Variants in KANK4 observed in about 807,000 individuals in gnomAD.
The protein encoded by KANK4 is KN motif and ankyrin repeat domain-containing protein 4.
KANK4 carries 50 observed loss-of-function variants against 80.8 expected under a neutral mutation model. The observed-to-expected ratio is 0.62, with a 90% CI of 0.49 to 0.78. The LOEUF is 0.78. Ranked by LOEUF, KANK4 falls within the 30% of genes least tolerant of loss-of-function variation. The pLI is 0.00. For synonymous variants in KANK4, 465 were observed against 506.9 expected, an observed-to-expected ratio of 0.92 and a Z score of 1.11; for missense variants, 1,196 against 1,240.1, an observed-to-expected ratio of 0.96 and a Z score of 0.53.
rs775052553 is a variant in KANK4 at position 62,263,243 on chromosome 1, G to A, written c.2388C>T (p.Ala796=). The change falls in exon 7 of 10, where the codon GCC becomes GCT. Residue 796 remains alanine (A), a synonymous_variant. Transcript: ENST00000371153. ...RVSSRKSSSP[A]VVASYLHEVQ... Reference sequence around the variant, plus strand: ...CCTCGTGGAGGTAGGAGGCCACCACGGCGGGGCTAGACGACTTCCGGCTGG... The same window carrying A: ...CCTCGTGGAGGTAGGAGGCCACCACAGCGGGGCTAGACGACTTCCGGCTGG... The A allele has an allele frequency of 9.3e-6, 15 of 1,613,606 alleles. 1 individual carries two copies. Among genetic ancestry groups the A allele is most frequent in the East Asian group, 8.9e-5 (4 of 44,842 alleles).
chr1:62,282,000 A>C (rs922610631), intron 1 of KANK4, among the ~76,000 whole-genome samples: 1 of 152,188 alleles, frequency 6.6e-6, no homozygotes, highest in African/African-American at 2.4e-5. Flanking sequence ...GGCTCTTGCC[A>C]TAATCTCAAG....
chr1:62,296,401 T>G (rs1644363923), intron 1 of KANK4, among the ~76,000 whole-genome samples: 1 of 152,164 alleles, frequency 6.6e-6, no homozygotes, highest in African/African-American at 2.4e-5. Context: ...ATTGGCTCCA[T>G]TTGTCCATGG....
rs1308801649 is a variant in KANK4 at position 62,263,269 on chromosome 1, A to G, written c.2362T>C (p.Ser788Pro). ...NTISQEWFRVSSRKSSSPAVV... is the reference protein window; with the variant it reads ...NTISQEWFRVPSRKSSSPAVV... ...GCGGGGCTAGACGACTTCCGGCTGG[A>G]GACGCGGAACCACTCTTGACTGATG... is the stretch of plus-strand genomic sequence containing the variant. Residue 788 changes from serine (S) to proline (P), a missense_variant, in exon 7 of 10, where the codon TCC becomes CCC. By Grantham distance (74) the Ser-to-Pro change is moderately conservative. Coordinates refer to ENST00000371153, the MANE Select transcript of KANK4 (RefSeq NM_181712.5). The G allele has an allele frequency of 6.2e-7, 1 of 1,613,402 alleles. No individual in the cohort carries two copies. Among genetic ancestry groups the G allele is most frequent in the Non-Finnish European group, 8.5e-7 (1 of 1,179,810 alleles).
intron 1 of KANK4, among the ~76,000 whole-genome samples, chr1:62,312,607 CT>C (rs1644506272): frequency 6.6e-6 from 1 of 152,222 alleles, no homozygotes; most frequent in South Asian, 2.1e-4. Context: ...ACATAGGACT[CT>C]CTTCTGCCCA....
chr1:62,292,038 C>T (rs923717148), intron 1 of KANK4, among the ~76,000 whole-genome samples: 3 of 152,158 alleles, frequency 2.0e-5, no homozygotes, highest in Admixed American at 2.0e-4. Context: ...TCCCTATTCC[C>T]TCCACTCCAC....
Position 62,266,747 on chromosome 1 carries a change from G to C in KANK4, c.2304C>G (p.Thr768=), listed in dbSNP as rs758011223. ...ATTAGAGTACCAAGAGCTGGTCTGTGGTGGTCCCAGTTTCTGGCAGATGCT... is the reference window on the plus strand; with the variant it reads ...ATTAGAGTACCAAGAGCTGGTCTGTCGTGGTCCCAGTTTCTGGCAGATGCT... The part of the protein sequence containing the change: ...LSQHLPETGT[T]TDQLLRQSLN... Residue 768 remains threonine, a synonymous_variant, in exon 6 of 10, where the codon ACC becomes ACG. Transcript: ENST00000371153. The C allele has an allele frequency of 1.9e-6, 3 of 1,608,320 alleles. No individual in the cohort carries two copies. Among genetic ancestry groups the C allele is most frequent in the East Asian group, 2.2e-5 (1 of 44,848 alleles).
At chr1:62,270,453 C>T (rs1468957946) in intron 4 of KANK4, among the ~76,000 whole-genome samples, 5 of 151,396 alleles carry the variant, frequency 3.3e-5, no homozygotes, top group East Asian at 1.9e-4. Flanking sequence ...ACAATCTCGG[C>T]GGCTCACTGC....
chr1:62,288,605 T>C (rs1672618070), intron 1 of KANK4, among the ~76,000 whole-genome samples: 1 of 152,130 alleles, frequency 6.6e-6, no homozygotes. Flanking sequence ...GGTGCAGCCA[T>C]CCAGGAGGGA....
intron 1 of KANK4, among the ~76,000 whole-genome samples, chr1:62,313,995 TTTTTGTTTTG>T (rs974757944): frequency 3.3e-5 from 5 of 152,132 alleles, no homozygotes; most frequent in Admixed American, 6.5e-5. Flanking sequence ...CCATTCCGTC[TTTTTGTTTTG>T]TTTTGTTTTG....
intron 1 of KANK4, among the ~76,000 whole-genome samples, chr1:62,317,414 G>C (rs1644550627): frequency 6.6e-6 from 1 of 152,168 alleles, no homozygotes; most frequent in African/African-American, 2.4e-5. Context: ...AGTCCAGCAA[G>C]GTGCTATTGG....
In KANK4 at chr1:62,249,274, T is replaced by C. The variant is rs1238412619; in HGVS notation, c.2683-1602A>G. ...TATAATGATGTACAGTAATAATTTTTCTGATTACAAATTGACCATCATTTC... is the reference window on the plus strand; with the variant it reads ...TATAATGATGTACAGTAATAATTTTCCTGATTACAAATTGACCATCATTTC... On this transcript the variant is annotated intron_variant, in intron 8 of 9. Coordinates refer to ENST00000371153, the MANE Select transcript of KANK4 (RefSeq NM_181712.5). Among the ~76,000 whole-genome samples the C allele has an allele frequency of 2.6e-5, 4 of 152,068 alleles. No individual in the cohort carries two copies. In the East Asian group the frequency reaches 7.7e-4, roughly 29 times the overall value.
Position 62,238,131 on chromosome 1 carries a change from T to C in KANK4, c.*146A>G, listed in dbSNP as rs1032648095. ...CAAAGCATCCTAATGAGCAGAATTA[T>C]ACAACAGGAATGTATGTGCATATTT... On this transcript the variant is annotated 3_prime_UTR_variant, in exon 10 of 10. Coordinates refer to ENST00000371153, the MANE Select transcript of KANK4 (RefSeq NM_181712.5). 6.7e-6 allele frequency: 4 copies of C among 592,614 alleles called. No individual in the cohort carries two copies. The Admixed American group carries it at 8.9e-5, about 13-fold the overall frequency. 36.7% of individuals were successfully genotyped at this position (592,614 alleles called of 1,614,324 possible).
At chr1:62,253,766 C>G (rs1008041174) in intron 7 of KANK4, among the ~76,000 whole-genome samples, 2 of 152,324 alleles carry the variant, frequency 1.3e-5, no homozygotes, top group Admixed American at 1.3e-4. Flanking sequence ...GGGAGGCCCA[C>G]AACAAAGCCA....
intron 8 of KANK4, among the ~76,000 whole-genome samples, chr1:62,250,089 G>A (rs1671576631): frequency 1.3e-5 from 2 of 151,812 alleles, no homozygotes; most frequent in Admixed American, 6.6e-5. Flanking sequence ...GGGTTCAAGC[G>A]ATTCTCCTGC....
chr1:62,274,918 C>CT lies in KANK4; in HGVS notation c.185dup (p.Gln63AlafsTer5). The CT allele has an allele frequency of 6.2e-7, 1 of 1,614,164 alleles. No individual in the cohort carries two copies. Among genetic ancestry groups the CT allele is most frequent in the Non-Finnish European group, 8.5e-7 (1 of 1,180,022 alleles). ...GGGGCAGAGTGCTAAATTTGGCCTG[C>CT]TTGGCCCTTCTGTGGATAGGAATTC... On this transcript the variant is annotated frameshift_variant, in exon 3 of 10. Transcript: ENST00000371153. LOFTEE classifies it high-confidence loss of function.
chr1:62,246,944 A>G (rs1034889290), intron 9 of KANK4, among the ~76,000 whole-genome samples: 3 of 152,070 alleles, frequency 2.0e-5, no homozygotes, highest in South Asian at 2.1e-4. Flanking sequence ...TATTTTTAGT[A>G]GAGATGGGGT....
At chr1:62,265,899 G>A (rs556928284) in intron 6 of KANK4, among the ~76,000 whole-genome samples, 2 of 152,296 alleles carry the variant, frequency 1.3e-5, no homozygotes, top group East Asian at 3.9e-4. Context: ...AATGACTACA[G>A]AATTAAACGT....
At position 62,247,461 on chromosome 1, in the gene KANK4, G is replaced by GT; in HGVS notation, c.2883+10dup. On this transcript the variant is annotated intron_variant, in intron 9 of 9. Coordinates refer to ENST00000371153, the MANE Select transcript of KANK4 (RefSeq NM_181712.5). The stretch of plus-strand genomic sequence containing the variant: ...AGCAACAGCTACTTGTTAATTGCCT[G>GT]TAAGTCTCACCTTGTCAGTCAGGCT... 1.2e-6 allele frequency: 2 copies of GT among 1,613,268 alleles called. No homozygotes were observed. Among genetic ancestry groups the GT allele is most frequent in the South Asian group, 1.1e-5 (1 of 91,050 alleles).
chr1:62,316,525 A>C (rs910970400), intron 1 of KANK4, among the ~76,000 whole-genome samples: 1 of 152,362 alleles, frequency 6.6e-6, no homozygotes, highest in Non-Finnish European at 1.5e-5. Flanking sequence ...GTGGGTACTT[A>C]GGCAGTCATC....
Sources: allele counts gnomAD v4.1 joint callset (sites outside exome capture counted in the v4.1 genomes callset), GRCh38; gene constraint gnomAD v4.1.1; transcripts MANE v1.5; gene names NCBI Gene and HGNC (gene_info 2026-07-23, HGNC 2026-07-21).